PTPRD: variants seen among roughly 807,000 people sequenced by gnomAD.
The protein encoded by PTPRD is protein tyrosine phosphatase receptor type D.
In PTPRD, 34 loss-of-function variants were observed where a neutral mutation model predicts 214.5. The ratio of observed to expected loss-of-function variants is 0.16; its 90% CI spans 0.12 to 0.21. The LOEUF (loss-of-function observed/expected upper bound fraction) is 0.21. Among genes scored for constraint, PTPRD ranks in the 10% least tolerant of loss-of-function variants. PTPRD has a pLI of 1.00. For synonymous variants in PTPRD, 1,128 were observed against 845.7 expected, an observed-to-expected ratio of 1.33 and a Z score of -5.79; for missense variants, 2,545 against 2,398.7, an observed-to-expected ratio of 1.06 and a Z score of -1.27.
intron 7 of PTPRD, among the ~76,000 whole-genome samples, chr9:9,647,943 A>G (rs1435680465): frequency 6.6e-6 from 1 of 152,312 alleles, no homozygotes; most frequent in East Asian, 1.9e-4. Flanking sequence ...TGGCTTCTGC[A>G]TACTCTTTCT....
In PTPRD at chr9:10,375,844, T is replaced by C. The variant is rs181257124; in HGVS notation, c.-599-34827A>G. Among the ~76,000 whole-genome samples the C allele has an allele frequency of 1.6e-3, 236 of 152,120 alleles. 1 individual carries two copies. The highest frequency in any genetic ancestry group is 2.9e-3 in the Non-Finnish European group (199 of 67,926). On this transcript the variant is annotated intron_variant, in intron 2 of 45. Transcript: ENST00000381196. ...GTGTTCACAATGTGGAGCAATTATT[T>C]GTCAAATTTTTCTAAATATTGAGAT...
chr9:10,197,723 G>T (rs574823735), intron 3 of PTPRD, among the ~76,000 whole-genome samples: 1 of 152,200 alleles, frequency 6.6e-6, no homozygotes, highest in South Asian at 2.1e-4. Flanking sequence ...ATGCTGATAG[G>T]GGAAGGCTGA....
At chr9:10,130,104 C>T (rs34476307) in intron 3 of PTPRD, among the ~76,000 whole-genome samples, 1,524 of 151,464 alleles carry the variant, frequency 0.01, 18 homozygotes, top group African/African-American at 0.027. Flanking sequence ...CAATGGCTCC[C>T]ATTCCTCTTG....
At chr9:8,982,926 C>G (rs1231360356) in intron 11 of PTPRD, among the ~76,000 whole-genome samples, 2 of 151,982 alleles carry the variant, frequency 1.3e-5, no homozygotes, top group Admixed American at 6.6e-5. Context: ...AATGTGGTCT[C>G]TCTGCATAGG....
chr9:9,520,058 C>G (rs138767765), intron 8 of PTPRD, among the ~76,000 whole-genome samples: 7 of 151,932 alleles, frequency 4.6e-5, no homozygotes, highest in African/African-American at 1.4e-4. Context: ...ATTGGTAGTT[C>G]AAATATTGGA....
At chr9:8,774,527 CTTTTTTTT>C (rs564318443) in intron 11 of PTPRD, among the ~76,000 whole-genome samples, 8 of 105,218 alleles carry the variant, frequency 7.6e-5, no homozygotes, top group South Asian at 3.4e-4. Context: ...TGAAAAGTAA[CTTTTTTTT>C]TTTTTTTTTT....
chr9:8,609,374 G>C (rs1779753440), intron 14 of PTPRD, among the ~76,000 whole-genome samples: 1 of 152,126 alleles, frequency 6.6e-6, no homozygotes, highest in African/African-American at 2.4e-5. Context: ...GTCAGGCTCT[G>C]TTTCATGTTT....
chr9:8,757,371 A>C lies in PTPRD; in HGVS notation c.-103-23425T>G, dbSNP rs1230204525. 2.0e-5 allele frequency among the ~76,000 whole-genome samples: 3 copies of C among 152,278 alleles called. No individual in the cohort carries two copies. In the East Asian group the frequency reaches 5.8e-4, roughly 29 times the overall value. Reference sequence around the variant, plus strand: ...ATGTAGAATTTTGAGTAAAAAGCGTATCAATAATCAGCATAAGATTTAGAT... The same window carrying C: ...ATGTAGAATTTTGAGTAAAAAGCGTCTCAATAATCAGCATAAGATTTAGAT... On this transcript the variant is annotated intron_variant, in intron 11 of 45. Transcript: ENST00000381196.
In PTPRD at chr9:10,228,377, C is replaced by G. The variant is rs561838799; in HGVS notation, c.-545+112586G>C. On this transcript the variant is annotated intron_variant, in intron 3 of 45. Transcript: ENST00000381196. ...GTGGTCCCACATCCACAGGATATTTCTGTATATTAAACACTTAGCATTAGC... is the reference window on the plus strand; with the variant it reads ...GTGGTCCCACATCCACAGGATATTTGTGTATATTAAACACTTAGCATTAGC... Among the ~76,000 whole-genome samples, 4 of 152,098 alleles carry G rather than the reference C, an allele frequency of 2.6e-5. No individual in the cohort carries two copies. In the East Asian group the frequency reaches 7.8e-4, roughly 30 times the overall value.
At chr9:9,605,224 T>G (rs1202667255) in intron 7 of PTPRD, among the ~76,000 whole-genome samples, 1 of 152,044 alleles carries the variant, frequency 6.6e-6, no homozygotes, top group Non-Finnish European at 1.5e-5. Flanking sequence ...CACAGTGAAA[T>G]AAAGTAAAAT....
At chr9:9,948,598 C>G (rs1040013178) in intron 4 of PTPRD, among the ~76,000 whole-genome samples, 1 of 152,000 alleles carries the variant, frequency 6.6e-6, no homozygotes, top group Non-Finnish European at 1.5e-5. Flanking sequence ...TCTGATGACA[C>G]AATATTCTGC....
At chr9:9,985,510 T>C (rs1446360822) in intron 4 of PTPRD, among the ~76,000 whole-genome samples, 1 of 152,084 alleles carries the variant, frequency 6.6e-6, no homozygotes, top group Non-Finnish European at 1.5e-5. Flanking sequence ...TAGTCAAATA[T>C]TGAAACAAAT....
chr9:10,470,066 G>A (rs1375252843), intron 2 of PTPRD, among the ~76,000 whole-genome samples: 1 of 151,970 alleles, frequency 6.6e-6, no homozygotes, highest in Non-Finnish European at 1.5e-5. Context: ...ACCAAAATAG[G>A]GGGCTTATAT....
chr9:9,512,350 TA>T (rs2096729657), intron 8 of PTPRD, among the ~76,000 whole-genome samples: 3 of 151,852 alleles, frequency 2.0e-5, no homozygotes, highest in Admixed American at 2.0e-4. Context: ...AGGTTATTTT[TA>T]AAAGGCTTCT....
At chr9:8,376,765 T>G (rs1385913029) in intron 37 of PTPRD, 39 bp from the exon 38 acceptor site, 1 of 1,608,796 alleles carries the variant, frequency 6.2e-7, no homozygotes, top group Non-Finnish European at 8.5e-7. Context: ...CAAATGCTCA[T>G]CAATTTCTCT....
At chr9:9,247,824 A>G (rs1302879047) in intron 9 of PTPRD, among the ~76,000 whole-genome samples, 5 of 152,108 alleles carry the variant, frequency 3.3e-5, no homozygotes, top group Admixed American at 6.6e-5. Flanking sequence ...AATTTTTACA[A>G]GTTCTCAAAG....
At chr9:9,026,365 T>C (rs1398644470) in intron 10 of PTPRD, among the ~76,000 whole-genome samples, 6 of 151,926 alleles carry the variant, frequency 3.9e-5, no homozygotes, top group Admixed American at 3.9e-4. Flanking sequence ...TGTTAGATTA[T>C]GTAAGGCTTT....
At chr9:10,498,052 T>C (rs984058790) in intron 2 of PTPRD, among the ~76,000 whole-genome samples, 2 of 152,012 alleles carry the variant, frequency 1.3e-5, no homozygotes, top group African/African-American at 4.8e-5. Context: ...GCTTGCTTCA[T>C]GCATAATTTA....
At chr9:9,904,269 T>C (rs967393209) in intron 5 of PTPRD, among the ~76,000 whole-genome samples, 13 of 152,166 alleles carry the variant, frequency 8.5e-5, no homozygotes, top group African/African-American at 2.6e-4. Context: ...GGAAGTCAGA[T>C]GTTCGCTAAG....
Sources: gnomAD v4.1 joint callset for allele counts (sites outside exome capture counted in the v4.1 genomes callset) on GRCh38, gnomAD v4.1.1 for gene constraint, MANE v1.5 for transcripts, NCBI Gene and HGNC (gene_info 2026-07-23, HGNC 2026-07-21) for gene names.